The following SNX8 variants were observed in gnomAD, a reference collection of about 807,000 sequenced individuals.
The protein encoded by SNX8 is sorting nexin 8, also known as sorting nexin-8.
A neutral mutation model predicts 51.6 loss-of-function variants in SNX8; 25 were observed. The observed-to-expected ratio is 0.48, with a 90% CI of 0.35 to 0.68. The LOEUF (loss-of-function observed/expected upper bound fraction) is 0.68, where lower values mean the gene tolerates loss of function less well. Ranked by LOEUF, SNX8 falls within the 30% of genes least tolerant of loss-of-function variation. The probability of loss-of-function intolerance (pLI) is 0.00; values close to 1 mark genes in which losing one functional copy is unlikely to be tolerated. For missense variants in SNX8, 695 were observed against 624.0 expected (o/e 1.11, Z -1.21); for synonymous variants, 324 against 277.0 (o/e 1.17, Z -1.68).
chr7:2,273,896 T>A, intron 3 of SNX8, among the ~76,000 whole-genome samples: 1 of 147,080 alleles, frequency 6.8e-6, no homozygotes, highest in African/African-American at 2.5e-5. Context: ...AGAGCGAGAC[T>A]CCATGTAAAA....
chr7:2,350,525 C>T (rs1402231997), intron 1 of SNX8, among the ~76,000 whole-genome samples: 6 of 152,296 alleles, frequency 3.9e-5, no homozygotes, highest in East Asian at 3.9e-4. Flanking sequence ...ACCCCTGGGC[C>T]GAGCGCGGTG....
intron 1 of SNX8, among the ~76,000 whole-genome samples, chr7:2,292,886 G>A (rs1796185964): frequency 6.6e-6 from 1 of 152,062 alleles, no homozygotes; most frequent in Non-Finnish European, 1.5e-5. Context: ...AGCCAGGCAT[G>A]GTGGCTCATG....
intron 1 of SNX8, among the ~76,000 whole-genome samples, chr7:2,330,932 C>A (rs776917783): frequency 6.6e-6 from 1 of 152,022 alleles, no homozygotes; most frequent in Non-Finnish European, 1.5e-5. Flanking sequence ...CGCCTGTGAT[C>A]CCAAAACTTT....
At chr7:2,283,168 T>A (rs1000748742) in intron 1 of SNX8, among the ~76,000 whole-genome samples, 1 of 150,540 alleles carries the variant, frequency 6.6e-6, no homozygotes, top group African/African-American at 2.4e-5. Context: ...ACAAACCCCA[T>A]GCAAAGACGC....
intron 1 of SNX8, among the ~76,000 whole-genome samples, chr7:2,300,727 C>A (rs1156624236): frequency 6.6e-6 from 1 of 152,116 alleles, no homozygotes; most frequent in Non-Finnish European, 1.5e-5. Flanking sequence ...CCTGCAACCT[C>A]CACCTCCTGG....
intron 1 of SNX8, among the ~76,000 whole-genome samples, chr7:2,327,574 A>C (rs576996391): frequency 1.3e-5 from 2 of 152,146 alleles, no homozygotes; most frequent in South Asian, 4.1e-4. Flanking sequence ...TGCCCGGCTA[A>C]TTTTTTGTGT....
chr7:2,329,217 G>A (rs1412472725), intron 1 of SNX8, among the ~76,000 whole-genome samples: 1 of 151,698 alleles, frequency 6.6e-6, no homozygotes, highest in Non-Finnish European at 1.5e-5. Flanking sequence ...GTTACAGTGA[G>A]CCAAGACTGC....
chr7:2,343,031 G>T, intron 1 of SNX8, among the ~76,000 whole-genome samples: 1 of 151,788 alleles, frequency 6.6e-6, no homozygotes, highest in African/African-American at 2.4e-5. Flanking sequence ...CTGACCTTAG[G>T]TGATCCACCT....
intron 1 of SNX8, chr7:2,299,301 G>A (rs760348242): frequency 3.9e-5 from 6 of 152,038 alleles, no homozygotes; most frequent in Admixed American, 6.6e-5. Context: ...AAAAATCACT[G>A]GTTCCACGTC....
At chr7:2,329,082 T>C (rs1481258312) in intron 1 of SNX8, among the ~76,000 whole-genome samples, 1 of 144,326 alleles carries the variant, frequency 6.9e-6, no homozygotes, top group African/African-American at 2.6e-5. Flanking sequence ...TGAGACTCTG[T>C]CTCAAAAAAA....
In SNX8 at chr7:2,263,288, T is replaced by G. The variant is rs1346343705; in HGVS notation, c.857A>C (p.Gln286Pro). The G allele has an allele frequency of 1.2e-6, 2 of 1,613,854 alleles. No homozygotes were observed. Among genetic ancestry groups the G allele is most frequent in the Non-Finnish European group, 1.7e-6 (2 of 1,180,032 alleles). ...TTCCACAGACAGGCCTTTCAGAGCC[T>G]GCTTCAGGGACCCCCACGTGCTGCT... ...LNSSTWGSLK[Q>P]ALKGLSVEFA... is the part of the protein sequence containing the mutation. The change falls in exon 7 of 11, where the codon CAG becomes CCG. Residue 286 changes from glutamine to proline, a missense_variant. Transcript: ENST00000222990.
At chr7:2,259,090 G>A (rs1212086804) in intron 7 of SNX8, among the ~76,000 whole-genome samples, 1 of 152,212 alleles carries the variant, frequency 6.6e-6, no homozygotes, top group Non-Finnish European at 1.5e-5. Context: ...GGTATGAAGA[G>A]TCGGTCCAAA....
At position 2,263,339 on chromosome 7, in the gene SNX8, G is replaced by T. The variant is rs762174604; in HGVS notation, c.806C>A (p.Pro269Gln). 6.2e-7 allele frequency: 1 copy of T among 1,608,982 alleles called. No homozygotes were observed. The highest frequency in any genetic ancestry group is 1.3e-5 in the African/African-American group (1 of 74,836). Residue 269 changes from proline (P) to glutamine (Q), a missense_variant, in exon 7 of 11, where the codon CCG becomes CAG. Pro to Gln is a moderately conservative substitution (Grantham distance 76, BLOSUM62 -1). Transcript: ENST00000222990. ...ELSAIGSDTT[P>Q]LPSWAALNSS... ...ATTCAGAGCGGCCCAGGAGGGCAGC[G>T]GGGTCGTGTCAGACCCTATTGCACT...
At chr7:2,286,114 C>T (rs766659805) in intron 1 of SNX8, among the ~76,000 whole-genome samples, 3 of 151,576 alleles carry the variant, frequency 2.0e-5, no homozygotes, top group South Asian at 4.2e-4. Flanking sequence ...CAGGTTCAAG[C>T]GATTCTCCTG....
At chr7:2,287,940 C>G (rs1055984296) in intron 1 of SNX8, 4 of 152,028 alleles carry the variant, frequency 2.6e-5, no homozygotes, top group African/African-American at 9.7e-5. Context: ...TGGGAAAAAC[C>G]CTTCAACTTG....
At chr7:2,330,701 C>T (rs1419003263) in intron 1 of SNX8, among the ~76,000 whole-genome samples, 1 of 152,012 alleles carries the variant, frequency 6.6e-6, no homozygotes, top group East Asian at 1.9e-4. Context: ...CCCAGCTGTG[C>T]CTGCTGCTTG....
intron 1 of SNX8, among the ~76,000 whole-genome samples, chr7:2,291,792 G>C (rs1584709376): frequency 6.6e-6 from 1 of 152,016 alleles, no homozygotes; most frequent in South Asian, 2.1e-4. Context: ...CCTACAACTG[G>C]CTTCACTCTC....
intron 1 of SNX8, among the ~76,000 whole-genome samples, chr7:2,302,211 T>C (rs1408708007): frequency 2.0e-5 from 3 of 152,240 alleles, no homozygotes; most frequent in Non-Finnish European, 2.9e-5. Flanking sequence ...TGCCTGATTC[T>C]CCTGCCTCAG....
At chr7:2,351,663 C>T (rs916869247) in intron 1 of SNX8, among the ~76,000 whole-genome samples, 3 of 151,780 alleles carry the variant, frequency 2.0e-5, no homozygotes, top group Admixed American at 1.3e-4. Flanking sequence ...AAACCCGTCT[C>T]TACTAAAAAT....
Sources: allele counts gnomAD v4.1 joint callset (sites outside exome capture counted in the v4.1 genomes callset), GRCh38; gene constraint gnomAD v4.1.1; transcripts MANE v1.5; gene names NCBI Gene and HGNC (gene_info 2026-07-23, HGNC 2026-07-21).